The following SH3RF2 variants were observed in gnomAD, a reference collection of about 807,000 sequenced individuals.
The protein encoded by SH3RF2 is SH3 domain containing ring finger 2.
SH3RF2 carries 43 observed loss-of-function variants against 59.0 expected under a neutral mutation model. The observed-to-expected ratio is 0.73, with a 90% CI of 0.57 to 0.94. The LOEUF (loss-of-function observed/expected upper bound fraction) is 0.94. Ranked by LOEUF, SH3RF2 falls within the 40% of genes least tolerant of loss-of-function variation. The probability of loss-of-function intolerance (pLI) is 0.00; values close to 1 mark genes in which losing one functional copy is unlikely to be tolerated. For missense variants in SH3RF2, 930 were observed against 940.1 expected, an observed-to-expected ratio of 0.99 and a Z score of 0.14; for synonymous variants, 391 against 391.5, an observed-to-expected ratio of 1.00 and a Z score of 0.01.
intron 2 of SH3RF2, among the ~76,000 whole-genome samples, chr5:145,979,764 G>T (rs1759439966): frequency 6.6e-6 from 1 of 152,132 alleles, no homozygotes; most frequent in African/African-American, 2.4e-5. Flanking sequence ...AGGGATTGTT[G>T]GAAGGTTGAA....
intron 7 of SH3RF2, among the ~76,000 whole-genome samples, chr5:146,051,251 AG>A (rs1489502087): frequency 1.3e-5 from 2 of 152,230 alleles, no homozygotes. Flanking sequence ...TGGGGTAGCC[AG>A]GTCATAAAGA....
At chr5:145,993,760 C>CCTGTGATGGGAGGGG (rs1760042092) in intron 2 of SH3RF2, among the ~76,000 whole-genome samples, 1 of 152,210 alleles carries the variant, frequency 6.6e-6, no homozygotes, top group Non-Finnish European at 1.5e-5. Context: ...GGCCTCCAGG[C>CCTGTGATGGGAGGGG]CTGTGATGGG....
At chr5:146,064,998 A>C (rs1763069927), downstream of SH3RF2, among the ~76,000 whole-genome samples, 2 of 152,204 alleles carry the variant, frequency 1.3e-5, no homozygotes, top group Non-Finnish European at 2.9e-5. Context: ...CACACTCGGC[A>C]AACAGAATTG....
At chr5:146,064,763 G>GAAGGAAGGAAGGA (rs1561773598), downstream of SH3RF2, among the ~76,000 whole-genome samples, 2 of 11,766 alleles carry the variant, frequency 1.7e-4, no homozygotes, top group East Asian at 3.2e-3. Context: ...AGGAAGGAAG[G>GAAGGAAGGAAGGA]AAGGAAGGAA....
At chr5:146,048,589 C>T (rs1317113402) in intron 6 of SH3RF2, among the ~76,000 whole-genome samples, 1 of 152,198 alleles carries the variant, frequency 6.6e-6, no homozygotes, top group Non-Finnish European at 1.5e-5. Flanking sequence ...TGATAAAACG[C>T]TCCAATGTCT....
chr5:146,056,879 C>T (rs1478975566), intron 8 of SH3RF2, among the ~76,000 whole-genome samples: 1 of 152,186 alleles, frequency 6.6e-6, no homozygotes, highest in Admixed American at 6.5e-5. Flanking sequence ...CCACATTGCA[C>T]ACATGGCAGT....
chr5:146,006,151 T>C (rs1214376806), intron 4 of SH3RF2, among the ~76,000 whole-genome samples: 1 of 152,142 alleles, frequency 6.6e-6, no homozygotes, highest in African/African-American at 2.4e-5. Flanking sequence ...TAGCCAAGTG[T>C]AGTGGCTCAT....
At chr5:146,052,057 G>C (rs57127770) in intron 7 of SH3RF2, among the ~76,000 whole-genome samples, 1 of 152,054 alleles carries the variant, frequency 6.6e-6, no homozygotes, top group East Asian at 1.9e-4. Flanking sequence ...ATTCATGAAC[G>C]GTTTCTTCCA....
exon 10 of SH3RF2, chr5:146,080,389 G>A (rs1196713559): frequency 6.6e-6 from 1 of 152,074 alleles, no homozygotes; most frequent in Non-Finnish European, 1.5e-5. Context: ...TAAGTACAGT[G>A]TTTTTAATAG....
chr5:145,991,104 G>A (rs986109021), intron 2 of SH3RF2, among the ~76,000 whole-genome samples: 2 of 152,148 alleles, frequency 1.3e-5, no homozygotes, highest in Admixed American at 1.3e-4. Flanking sequence ...CCCCAAATGA[G>A]TTTTATGATG....
intron 9 of SH3RF2, among the ~76,000 whole-genome samples, 175 bp from the exon 10 acceptor site, chr5:146,062,251 G>T (rs925564442): frequency 6.6e-6 from 1 of 152,170 alleles, no homozygotes; most frequent in Admixed American, 6.5e-5. Flanking sequence ...GAAGTTAGAT[G>T]CTCCTCTGCA....
rs750280738 is a variant in SH3RF2 at position 146,004,076 on chromosome 5, A to T, written c.667A>T (p.Ile223Phe). The T allele has an allele frequency of 1.2e-6, 2 of 1,612,892 alleles. No homozygotes were observed. The highest frequency in any genetic ancestry group is 2.2e-5 in the South Asian group (2 of 91,036). Residue 223 changes from isoleucine (I) to phenylalanine (F), a missense_variant, in exon 4 of 10, where the codon ATC (isoleucine) becomes TTC (phenylalanine). Physicochemically the swap from Ile to Phe is conservative, Grantham distance 21 (BLOSUM62 0). Coordinates refer to ENST00000359120, the MANE Select transcript of SH3RF2 (RefSeq NM_152550.4). Reference protein sequence around the residue: ...TFLKDDIITVISRVDENWAEG... With the variant: ...TFLKDDIITVFSRVDENWAEG... Reference sequence around the variant, plus strand: ...CTTTCAGGACGATATCATCACTGTGATCAGCCGAGTGGATGAGAACTGGGC... The same window carrying T: ...CTTTCAGGACGATATCATCACTGTGTTCAGCCGAGTGGATGAGAACTGGGC...
intron 8 of SH3RF2, among the ~76,000 whole-genome samples, chr5:146,058,877 A>G (rs1397775554): frequency 1.3e-5 from 2 of 152,068 alleles, no homozygotes; most frequent in Non-Finnish European, 2.9e-5. Context: ...AATTTAAAAA[A>G]AAAAAAAAAA....
intron 5 of SH3RF2, among the ~76,000 whole-genome samples, chr5:146,018,473 T>G (rs1292062449): frequency 6.6e-6 from 1 of 152,218 alleles, no homozygotes; most frequent in East Asian, 1.9e-4. Context: ...TATATATGTA[T>G]GTATGTATAT....
intron 3 of SH3RF2, among the ~76,000 whole-genome samples, chr5:146,002,586 A>G (rs114363180): frequency 0.014 from 2,162 of 152,082 alleles, 57 homozygotes; most frequent in African/African-American, 0.05. Context: ...GGGGCCCCCA[A>G]CCCCAGGACC....
At chr5:146,054,289 A>G (rs1045974611) in intron 7 of SH3RF2, among the ~76,000 whole-genome samples, 1 of 152,206 alleles carries the variant, frequency 6.6e-6, no homozygotes, top group African/African-American at 2.4e-5. Flanking sequence ...ACCTTGGTCT[A>G]TAAAGAGTCA....
chr5:146,016,558 T>G (rs1761115624), intron 5 of SH3RF2, among the ~76,000 whole-genome samples: 2 of 152,160 alleles, frequency 1.3e-5, no homozygotes, highest in African/African-American at 4.8e-5. Context: ...TTATCAACAC[T>G]TTATAGCAAG....
chr5:146,049,687 C>G lies in SH3RF2; in HGVS notation c.1322+442C>G, dbSNP rs140736934. ...AGAGCACCTCGGGAAACTTCTCAGG[C>G]TGCTAGAGTGACCCCTAATCAGAGT... On this transcript the variant is annotated intron_variant, in intron 7 of 9. Transcript: ENST00000359120. Among the ~76,000 whole-genome samples, 229 of 152,234 alleles carry G rather than the reference C, an allele frequency of 1.5e-3. 1 individual carries two copies. The highest frequency in any genetic ancestry group is 5.4e-3 in the African/African-American group (225 of 41,518).
At chr5:145,993,179 C>T (rs772048093) in intron 2 of SH3RF2, among the ~76,000 whole-genome samples, 1 of 152,204 alleles carries the variant, frequency 6.6e-6, no homozygotes, top group Non-Finnish European at 1.5e-5. Context: ...CTCTATGTCT[C>T]ACATCCAGAT....
Sources: gnomAD v4.1 joint callset for allele counts (sites outside exome capture counted in the v4.1 genomes callset) on GRCh38, gnomAD v4.1.1 for gene constraint, MANE v1.5 for transcripts, NCBI Gene and HGNC (gene_info 2026-07-23, HGNC 2026-07-21) for gene names.